MEGF8: variants seen among roughly 807,000 people sequenced by gnomAD.
MEGF8 encodes the protein multiple epidermal growth factor-like domains protein 8.
A neutral mutation model predicts 302.9 loss-of-function variants in MEGF8; 156 were observed. That is an observed-to-expected ratio of 0.52 (90% CI 0.45 to 0.59). MEGF8 has a LOEUF of 0.59. Among genes scored for constraint, MEGF8 ranks in the 20% least tolerant of loss-of-function variants. The pLI is 0.00. For synonymous variants in MEGF8, 1,621 were observed against 1,660.5 expected, an observed-to-expected ratio of 0.98 and a Z score of 0.58; for missense variants, 3,345 against 3,964.5, an observed-to-expected ratio of 0.84 and a Z score of 4.20.
At chr19:42,346,984 C>CAAAAAAAAAAAAAAAAAAAAAAA (rs767117534) in intron 12 of MEGF8, among the ~76,000 whole-genome samples, 3 of 49,816 alleles carry the variant, frequency 6.0e-5, no homozygotes, top group Non-Finnish European at 8.4e-5. Context: ...GACTCTGTCT[C>CAAAAAAAAAAAAAAAAAAAAAAA]AAAAAAAAAA....
chr19:42,329,711 A>G (rs764642218), intron 1 of MEGF8, among the ~76,000 whole-genome samples: 1 of 152,016 alleles, frequency 6.6e-6, no homozygotes, highest in Non-Finnish European at 1.5e-5. Context: ...AAAAATTACA[A>G]AAGATTAGCT....
chr19:42,335,030 C>G lies in MEGF8; in HGVS notation c.559-5C>G. 2 of 1,601,464 alleles carry G rather than the reference C, an allele frequency of 1.2e-6. No homozygotes were observed. The highest frequency in any genetic ancestry group is 1.7e-6 in the Non-Finnish European group (2 of 1,174,030). On this transcript the variant is annotated splice_region_variant and splice_polypyrimidine_tract_variant and intron_variant, in intron 3 of 41. Transcript: ENST00000251268. Reference sequence around the variant, plus strand: ...ATCTCTGCCTTTATGTCTCCTTTCCCGCAGCCCCTGGGACCATGCCGCTGT... The same window carrying G: ...ATCTCTGCCTTTATGTCTCCTTTCCGGCAGCCCCTGGGACCATGCCGCTGT...
intron 31 of MEGF8, 54 bp from the exon 32 acceptor site, chr19:42,360,721 C>T: frequency 6.5e-7 from 1 of 1,546,484 alleles, no homozygotes; most frequent in African/African-American, 1.4e-5. Context: ...TGGTGTGGGT[C>T]TCTTCCTGGA....
chr19:42,368,534 CCCTGGGCTGTGCT>C lies in MEGF8; in HGVS notation c.6355_6367del (p.Leu2119ArgfsTer40). The C allele has an allele frequency of 6.2e-7, 1 of 1,605,494 alleles. No homozygotes were observed. The highest frequency in any genetic ancestry group is 8.5e-7 in the Non-Finnish European group (1 of 1,176,766). On this transcript the variant is annotated frameshift_variant, in exon 36 of 42. Coordinates refer to ENST00000251268, the MANE Select transcript of MEGF8 (RefSeq NM_001271938.2). LOFTEE classifies it high-confidence loss of function. The surrounding 1 kb of genome is among the most constrained non-coding windows in gnomAD (Gnocchi z 4.9). ...CTGCTCCGGGGACCTGAGAGCTGCT[CCCTGGGCTGTGCT>C]CAGGCAACTCAGTGCGCCTTGTGCC...
In MEGF8 at chr19:42,357,337, C is replaced by T. The variant is rs556836916; in HGVS notation, c.4831-67C>T. The T allele has an allele frequency of 5.2e-6, 8 of 1,544,824 alleles. No homozygotes were observed. The East Asian group carries it at 9.1e-5, about 17-fold the overall frequency. On this transcript the variant is annotated intron_variant, in intron 27 of 41. Coordinates refer to ENST00000251268, the MANE Select transcript of MEGF8 (RefSeq NM_001271938.2). The surrounding 1 kb of genome is among the most constrained non-coding windows in gnomAD (Gnocchi z 5.2). The stretch of plus-strand genomic sequence containing the variant: ...GGGAGGACTGTGGGGGGCTGAGGCT[C>T]GCTTCTACCCACAAGGTGACCCCTG...
intron 8 of MEGF8, among the ~76,000 whole-genome samples, chr19:42,338,653 G>A (rs2039166758): frequency 6.6e-6 from 1 of 152,048 alleles, no homozygotes; most frequent in South Asian, 2.1e-4. Context: ...GTTCCCACTT[G>A]TGAGAACATG....
Position 42,336,773 on chromosome 19 carries a change from G to T in MEGF8, c.1245-34G>T, listed in dbSNP as rs778964936. ...TGGAGGAGGGAGAGAGACGCTTCCTGCCCTGAGCCCCTGCCCTGCTTCTCC... is the reference window on the plus strand; with the variant it reads ...TGGAGGAGGGAGAGAGACGCTTCCTTCCCTGAGCCCCTGCCCTGCTTCTCC... On this transcript the variant is annotated intron_variant, in intron 6 of 41. Coordinates refer to ENST00000251268, the MANE Select transcript of MEGF8 (RefSeq NM_001271938.2). The surrounding 1 kb of genome is among the most constrained non-coding windows in gnomAD (Gnocchi z 4.8). 6.5e-7 allele frequency: 1 copy of T among 1,548,218 alleles called. No individual in the cohort carries two copies. The highest frequency in any genetic ancestry group is 1.4e-5 in the African/African-American group (1 of 72,394).
In MEGF8 at chr19:42,371,453, A is replaced by G; in HGVS notation, c.7240A>G (p.Ser2414Gly). ...GGGCACATGCCAGGGCAGCTCCCCCAGTGACCGTCGAGACTGCTACAAGTA... is the reference window on the plus strand; with the variant it reads ...GGGCACATGCCAGGGCAGCTCCCCCGGTGACCGTCGAGACTGCTACAAGTA... ...ETGTCQGSSP[S>G]DRRDCYKYQC... is the part of the protein sequence containing the mutation. Residue 2414 changes from serine to glycine, a missense_variant, in exon 41 of 42, where the codon AGT becomes GGT. Transcript: ENST00000251268. 1.2e-6 allele frequency: 2 copies of G among 1,613,900 alleles called. No homozygotes were observed. The highest frequency in any genetic ancestry group is 8.5e-7 in the Non-Finnish European group (1 of 1,179,890).
At chr19:42,355,696 C>T in intron 23 of MEGF8, 62 bp from the exon 24 acceptor site, 1 of 1,489,826 alleles carries the variant, frequency 6.7e-7, no homozygotes, top group Non-Finnish European at 9.0e-7. Context: ...TTCTTAGCAT[C>T]TGGGGGTGGA....
At chr19:42,359,365 C>T in intron 31 of MEGF8, 123 bp downstream of exon 31, 2 of 859,746 alleles carry the variant, frequency 2.3e-6, no homozygotes, top group Non-Finnish European at 3.2e-6. Context: ...AGAGCTCCCG[C>T]TCTTCTGGAT....
chr19:42,352,417 G>T lies in MEGF8; in HGVS notation c.3311G>T (p.Arg1104Leu). 6.3e-7 allele frequency: 1 copy of T among 1,598,608 alleles called. No individual in the cohort carries two copies. The highest frequency in any genetic ancestry group is 2.3e-5 in the East Asian group (1 of 44,172). ...TPLSYECHCQ[R>L]GYQGDGISHC... ...CTCAGCTACGAGTGTCACTGCCAGC[G>T]GGGCTACCAGGGTGATGGCATCTCA... The change falls in exon 19 of 42, where the codon CGG (arginine) becomes CTG (leucine). Residue 1104 changes from arginine to leucine, a missense_variant. Arg to Leu is a moderately radical substitution (Grantham distance 102). Coordinates refer to ENST00000251268, the MANE Select transcript of MEGF8 (RefSeq NM_001271938.2). This position sits in a 1 kb window ranked among gnomAD's most constrained non-coding sequence, Gnocchi z 4.4.
At chr19:42,327,399 G>A (rs1255210795) in intron 1 of MEGF8, among the ~76,000 whole-genome samples, 2 of 152,148 alleles carry the variant, frequency 1.3e-5, no homozygotes, top group Non-Finnish European at 2.9e-5. Flanking sequence ...CAGAGGCCTG[G>A]GAGAGCCCAG....
intron 8 of MEGF8, among the ~76,000 whole-genome samples, chr19:42,341,228 G>A (rs928306718): frequency 4.6e-5 from 7 of 151,976 alleles, no homozygotes; most frequent in Non-Finnish European, 8.8e-5. Context: ...TCAGGAGTTC[G>A]AGACCAGCCT....
Position 42,368,855 on chromosome 19 carries a change from G to A in MEGF8, c.6494G>A (p.Gly2165Glu). 1 of 1,613,636 alleles carries A rather than the reference G, an allele frequency of 6.2e-7. No homozygotes were observed. Among genetic ancestry groups the A allele is most frequent in the South Asian group, 1.1e-5 (1 of 91,068 alleles). The change falls in exon 37 of 42, where the codon GGG becomes GAG. Residue 2165 changes from glycine (G) to glutamate (E), a missense_variant. Gly to Glu is a moderately conservative substitution (Grantham distance 98). Transcript: ENST00000251268. This position sits in a 1 kb window ranked among gnomAD's most constrained non-coding sequence, Gnocchi z 4.9. ...LSGPRDGLTC[G>E]RPGASWAFLS... ...TCCCCGGTGCTAGGGCTGACATGTG[G>A]GCGTCCGGGGGCCTCCTGGGCCTTC...
In MEGF8 at chr19:42,375,749, C is replaced by G; in HGVS notation, c.7512C>G (p.Val2504=). ...CCTTCGGGGCCGTGGACCTCTATGT[C>G]TCCACCTCCTATGACACCTTCGTGG... ...DVTFGAVDLY[V]STSYDTFVVR... is the part of the protein sequence containing the mutation. Residue 2504 remains valine, a synonymous_variant, in exon 42 of 42, where the codon GTC becomes GTG. Transcript: ENST00000251268. The surrounding 1 kb of genome is among the most constrained non-coding windows in gnomAD (Gnocchi z 7.1). The G allele has an allele frequency of 5.6e-6, 9 of 1,612,888 alleles. No individual in the cohort carries two copies. The highest frequency in any genetic ancestry group is 1.3e-5 in the African/African-American group (1 of 75,050).
intron 1 of MEGF8, among the ~76,000 whole-genome samples, chr19:42,332,933 G>T (rs1489923873): frequency 6.6e-6 from 1 of 152,180 alleles, no homozygotes; most frequent in Non-Finnish European, 1.5e-5. Flanking sequence ...TCCAGAGGGG[G>T]TGGGTTACTT....
chr19:42,371,203 C>A, intron 40 of MEGF8, 147 bp from the exon 41 acceptor site: 2 of 1,079,286 alleles, frequency 1.9e-6, no homozygotes, highest in Non-Finnish European at 2.6e-6. Context: ...AATTTAACTG[C>A]TTTGTGGCCT....
At chr19:42,373,953 C>T (rs2039729897) in intron 41 of MEGF8, among the ~76,000 whole-genome samples, 1 of 151,848 alleles carries the variant, frequency 6.6e-6, no homozygotes, top group Non-Finnish European at 1.5e-5. Context: ...GCTCAAGCGG[C>T]ACTCCTGCCT....
chr19:42,361,081 A>G, intron 32 of MEGF8, 75 bp downstream of exon 32: 5 of 1,422,880 alleles, frequency 3.5e-6, no homozygotes, highest in Non-Finnish European at 4.7e-6. Flanking sequence ...CCACACCAGG[A>G]TGGAGGCCTC....
Sources: allele counts gnomAD v4.1 joint callset (sites outside exome capture counted in the v4.1 genomes callset), GRCh38; gene constraint gnomAD v4.1.1; non-coding constraint Gnocchi (gnomAD v3.1); transcripts MANE v1.5; gene names NCBI Gene and HGNC (gene_info 2026-07-23, HGNC 2026-07-21).